Variants in RETREG3 observed in about 807,000 individuals in gnomAD.
RETREG3 encodes the protein reticulophagy regulator family member 3.
Under a neutral mutation model 50.2 loss-of-function variants are expected in RETREG3, and 23 were observed. That is an observed-to-expected ratio of 0.46 (90% CI 0.33 to 0.65). The LOEUF (loss-of-function observed/expected upper bound fraction) is 0.65, where lower values mean the gene tolerates loss of function less well. Among genes scored for constraint, RETREG3 ranks in the 30% least tolerant of loss-of-function variants. The probability of loss-of-function intolerance (pLI) is 0.02; values close to 1 mark genes in which losing one functional copy is unlikely to be tolerated. For missense variants in RETREG3, 546 were observed against 598.0 expected (o/e 0.91, Z 0.91); for synonymous variants, 240 against 234.4 (o/e 1.02, Z -0.22).
chr17:42,602,798 AC>A (rs1369563490), intron 1 of RETREG3, among the ~76,000 whole-genome samples: 2 of 151,920 alleles, frequency 1.3e-5, no homozygotes, highest in East Asian at 3.9e-4. Flanking sequence ...AAAACAATTA[AC>A]CAGGTGTGGT....
chr17:42,581,869 G>A lies in RETREG3; in HGVS notation c.1345C>T (p.Leu449Phe), dbSNP rs747174524. The stretch of plus-strand genomic sequence containing the variant: ...TGACTCAGCTCCGACTGGTCCAGAA[G>A]TTCAAAGTCATCCCCCTCAGCATCA... ...DTDAEGDDFE[L>F]LDQSELSQLD... is the part of the protein sequence containing the mutation. Residue 449 changes from leucine to phenylalanine, a missense_variant, in exon 9 of 9, where the codon CTT becomes TTT. Physicochemically the swap from Leu to Phe is conservative, Grantham distance 22. Coordinates refer to ENST00000309428, the MANE Select transcript of RETREG3 (RefSeq NM_178126.4). 2.5e-6 allele frequency: 4 copies of A among 1,612,846 alleles called. No individual in the cohort carries two copies. The highest frequency in any genetic ancestry group is 2.7e-5 in the African/African-American group (2 of 74,904).
chr17:42,608,863 G>C (rs1220172294), intron 1 of RETREG3: 10 of 541,436 alleles, frequency 1.8e-5, no homozygotes, highest in Non-Finnish European at 3.2e-5. Context: ...TGCGGGGCGG[G>C]GGTGCGGGCA....
chr17:42,601,279 A>G (rs1019098443), intron 1 of RETREG3, among the ~76,000 whole-genome samples: 1 of 151,054 alleles, frequency 6.6e-6, no homozygotes, highest in Non-Finnish European at 1.5e-5. Context: ...TCCATCTCAA[A>G]TAAAATAAAA....
chr17:42,584,598 C>G (rs925602136), intron 6 of RETREG3, among the ~76,000 whole-genome samples: 2 of 151,934 alleles, frequency 1.3e-5, no homozygotes, highest in African/African-American at 4.8e-5. Context: ...TCGCTTGAGC[C>G]CAGGAGTTCA....
intron 1 of RETREG3, among the ~76,000 whole-genome samples, chr17:42,593,079 GATTT>G (rs2093136324): frequency 6.6e-6 from 1 of 152,146 alleles, no homozygotes; most frequent in Non-Finnish European, 1.5e-5. Context: ...AACACTTCTT[GATTT>G]ATTTTGTGAG....
chr17:42,592,557 G>A (rs988696926), intron 1 of RETREG3, among the ~76,000 whole-genome samples: 2 of 152,282 alleles, frequency 1.3e-5, no homozygotes, highest in Admixed American at 1.3e-4. Flanking sequence ...GCACTCAAGA[G>A]CATTTAATTC....
chr17:42,608,997 C>G (rs1339287035), intron 1 of RETREG3, 89 bp downstream of exon 1: 16 of 1,330,544 alleles, frequency 1.2e-5, no homozygotes, highest in Non-Finnish European at 1.6e-5. Flanking sequence ...GCCAGTGCAG[C>G]GAAGAAAACA....
chr17:42,604,955 T>G (rs1175276340), intron 1 of RETREG3, among the ~76,000 whole-genome samples: 1 of 151,996 alleles, frequency 6.6e-6, no homozygotes, highest in Non-Finnish European at 1.5e-5. Flanking sequence ...TTGAGACTAA[T>G]GAAAACACAA....
At chr17:42,593,775 T>C (rs959207738) in intron 1 of RETREG3, among the ~76,000 whole-genome samples, 13 of 152,184 alleles carry the variant, frequency 8.5e-5, no homozygotes, top group African/African-American at 2.7e-4. Flanking sequence ...TTCAGATCTA[T>C]TTTGGTTTAA....
chr17:42,607,385 A>C (rs1311372783), intron 1 of RETREG3, among the ~76,000 whole-genome samples: 1 of 151,376 alleles, frequency 6.6e-6, no homozygotes, highest in Non-Finnish European at 1.5e-5. Flanking sequence ...CTCTGGTCCC[A>C]GCTATTGTGG....
intron 2 of RETREG3, among the ~76,000 whole-genome samples, chr17:42,591,782 A>C (rs2093133782): frequency 6.6e-6 from 1 of 152,162 alleles, no homozygotes; most frequent in South Asian, 2.1e-4. Context: ...TCATTTGAGG[A>C]CTACTTATTC....
In RETREG3 at chr17:42,586,830, C is replaced by T. The variant is rs769817006; in HGVS notation, c.439G>A (p.Val147Ile). The change falls in exon 4 of 9, where the codon GTC becomes ATC. Residue 147 changes from valine (V) to isoleucine (I), a missense_variant. By Grantham distance (29) the Val-to-Ile change is conservative. Coordinates refer to ENST00000309428, the MANE Select transcript of RETREG3 (RefSeq NM_178126.4). ...VPELCHHVAE[V>I]WVSGTIFIRN... ...ATGAAAATGGTCCCACTAACCCAGACTTCAGCTACATGGTGGCAGAGCTCG... is the reference window on the plus strand; with the variant it reads ...ATGAAAATGGTCCCACTAACCCAGATTTCAGCTACATGGTGGCAGAGCTCG... 2 of 1,614,070 alleles carry T rather than the reference C, an allele frequency of 1.2e-6. No individual in the cohort carries two copies. The highest frequency in any genetic ancestry group is 3.3e-5 in the Admixed American group (2 of 60,002).
chr17:42,596,838 G>A (rs187443206), intron 1 of RETREG3, among the ~76,000 whole-genome samples: 197 of 151,568 alleles, frequency 1.3e-3, no homozygotes, highest in African/African-American at 4.7e-3. Context: ...AGTTCTTTGA[G>A]GTGATCTGTC....
intron 7 of RETREG3, among the ~76,000 whole-genome samples, 191 bp downstream of exon 7, chr17:42,583,307 G>C (rs1246212972): frequency 1.3e-5 from 2 of 152,070 alleles, no homozygotes; most frequent in African/African-American, 4.8e-5. Context: ...TGAGACCTAG[G>C]TTGATTACAG....
intron 2 of RETREG3, among the ~76,000 whole-genome samples, chr17:42,590,367 A>G (rs923733323): frequency 6.6e-6 from 1 of 151,908 alleles, no homozygotes; most frequent in Non-Finnish European, 1.5e-5. Context: ...AGTGAGACCT[A>G]GTTTGTTAAA....
At chr17:42,583,711 T>C (rs941261026) in intron 6 of RETREG3, 131 bp from the exon 7 acceptor site, 3 of 717,496 alleles carry the variant, frequency 4.2e-6, no homozygotes, top group Middle Eastern at 3.4e-4. Context: ...TACATAATAA[T>C]AACAGAAGGC....
chr17:42,589,206 C>T (rs1397780456), intron 2 of RETREG3, among the ~76,000 whole-genome samples: 1 of 152,064 alleles, frequency 6.6e-6, no homozygotes, highest in East Asian at 1.9e-4. Flanking sequence ...CTACACGATT[C>T]CTTGAAGTCT....
chr17:42,584,118 T>A (rs1427767289), intron 6 of RETREG3, among the ~76,000 whole-genome samples: 6 of 152,142 alleles, frequency 3.9e-5, no homozygotes, highest in Non-Finnish European at 8.8e-5. Context: ...TGGCACACAT[T>A]TCTATTCTGG....
chr17:42,582,050 A>C lies in RETREG3; in HGVS notation c.1164T>G (p.Pro388=), dbSNP rs750645951. Residue 388 remains proline (P), a synonymous_variant, in exon 9 of 9, where the codon CCT becomes CCG. Transcript: ENST00000309428. ...GGTTGCTGGTGAGGTTGGATCCTAC[A>C]GGAAGAGCACCAAGCAGGAGCTCCG... The part of the protein sequence containing the change: ...ALPELLLGAL[P]VGSNLTSNLA... 9 of 1,614,066 alleles carry C rather than the reference A, an allele frequency of 5.6e-6. No individual in the cohort carries two copies. Among genetic ancestry groups the C allele is most frequent in the Non-Finnish European group, 6.8e-6 (8 of 1,179,994 alleles).
Sources: allele counts gnomAD v4.1 joint callset (sites outside exome capture counted in the v4.1 genomes callset), GRCh38; gene constraint gnomAD v4.1.1; transcripts MANE v1.5; gene names NCBI Gene and HGNC (gene_info 2026-07-23, HGNC 2026-07-21).